MAGI1: variants seen among roughly 807,000 people sequenced by gnomAD.
MAGI1 encodes the protein membrane-associated guanylate kinase, WW and PDZ domain-containing protein 1.
MAGI1 carries 58 observed loss-of-function variants against 139.9 expected under a neutral mutation model. The observed-to-expected ratio is 0.41, with a 90% confidence interval of 0.34 to 0.52. The LOEUF (loss-of-function observed/expected upper bound fraction) is 0.52. MAGI1 is among the 20% of genes least tolerant of loss of function. MAGI1 has a pLI of 0.12. For missense variants in MAGI1, 1,874 were observed against 1,901.6 expected, an observed-to-expected ratio of 0.99 and a Z score of 0.27; for synonymous variants, 812 against 737.9, an observed-to-expected ratio of 1.10 and a Z score of -1.63.
rs1470302043 is a variant in MAGI1 at position 65,853,771 on chromosome 3, T to C, written c.313+184225A>G. ...TGCATTTTGCTGCTGATACTCAATA[T>C]GGAAGCCTTCCAGGGAGAAAGTGGT... On this transcript the variant is annotated intron_variant, in intron 1 of 22. Coordinates refer to ENST00000402939, the MANE Select transcript of MAGI1 (RefSeq NM_001033057.2). Among the ~76,000 whole-genome samples the C allele has an allele frequency of 2.0e-5, 3 of 152,174 alleles. No homozygotes were observed. The East Asian group carries it at 5.8e-4, about 29-fold the overall frequency.
chr3:65,905,150 G>T (rs1171824254), intron 1 of MAGI1, among the ~76,000 whole-genome samples: 1 of 152,170 alleles, frequency 6.6e-6, no homozygotes, highest in Non-Finnish European at 1.5e-5. Context: ...TGGTTTATGT[G>T]ATTTAAATGA....
At chr3:65,480,735 A>G (rs920837221) in intron 3 of MAGI1, among the ~76,000 whole-genome samples, 6 of 151,576 alleles carry the variant, frequency 4.0e-5, no homozygotes, top group Non-Finnish European at 8.8e-5. Context: ...ATAGGCATGC[A>G]CCACCACGCC....
chr3:65,551,324 G>A (rs933036675), intron 2 of MAGI1, among the ~76,000 whole-genome samples: 3 of 151,936 alleles, frequency 2.0e-5, no homozygotes, highest in African/African-American at 2.4e-5. Context: ...TTTTTGAGAC[G>A]GAGTCTCACA....
At position 65,397,434 on chromosome 3, in the gene MAGI1, A is replaced by G. The variant is rs1226782442; in HGVS notation, c.2199+4005T>C. ...GCCGACAGCTTGCTATGTCTGCTCT[A>G]AAGAGGCTGTTGAAGAGACTGCTTC... On this transcript the variant is annotated intron_variant, in intron 13 of 22. Transcript: ENST00000402939. Among the ~76,000 whole-genome samples, 3 of 152,186 alleles carry G rather than the reference A, an allele frequency of 2.0e-5. No individual in the cohort carries two copies. In the East Asian group the frequency reaches 5.8e-4, roughly 29 times the overall value.
Position 65,699,785 on chromosome 3 carries a change from A to C in MAGI1, c.314-77697T>G, listed in dbSNP as rs1312864195. Among the ~76,000 whole-genome samples, 4 of 149,860 alleles carry C rather than the reference A, an allele frequency of 2.7e-5. No individual in the cohort carries two copies. The East Asian group carries it at 7.9e-4, about 30-fold the overall frequency. On this transcript the variant is annotated intron_variant, in intron 1 of 22. Transcript: ENST00000402939. ...GAGATATACCTAATGCTAGATGACG[A>C]GTTAGTGGGTGCAACACACCAGCAT...
At chr3:65,825,786 G>A (rs937137392) in intron 1 of MAGI1, among the ~76,000 whole-genome samples, 4 of 152,028 alleles carry the variant, frequency 2.6e-5, no homozygotes, top group Non-Finnish European at 4.4e-5. Context: ...TCAAGAATTC[G>A]GGACCAGCCT....
At chr3:65,876,896 A>G (rs990279406) in intron 1 of MAGI1, among the ~76,000 whole-genome samples, 8 of 151,944 alleles carry the variant, frequency 5.3e-5, no homozygotes, top group African/African-American at 1.7e-4. Flanking sequence ...GGCACCTGCC[A>G]CCACGCCCAG....
chr3:65,620,768 T>C (rs2083623898), intron 2 of MAGI1, among the ~76,000 whole-genome samples: 1 of 152,206 alleles, frequency 6.6e-6, no homozygotes, highest in South Asian at 2.1e-4. Context: ...AGAGGCAACC[T>C]TGGGGCCCTG....
intron 5 of MAGI1, among the ~76,000 whole-genome samples, chr3:65,461,690 G>A (rs549164818): frequency 3.8e-4 from 56 of 149,232 alleles, no homozygotes; most frequent in African/African-American, 1.2e-3. Flanking sequence ...GGGTTTCACC[G>A]TATTAGCCAG....
rs1011546733 is a variant in MAGI1 at position 65,360,109 on chromosome 3, G to T, written c.3634+1090C>A. 3 of 985,174 alleles carry T rather than the reference G, an allele frequency of 3.0e-6. No individual in the cohort carries two copies. The African/African-American group carries it at 5.2e-5, about 17-fold the overall frequency. The allele number at this position is 985,174 out of a possible 1,614,324, so 61.0% of individuals were successfully genotyped here. A position where few individuals can be genotyped will look rare whatever the true frequency, so the allele number is the denominator to read the frequency against. ...CACCTGTACAAATGTCGAACACCTG[G>T]GAAGGCTGGCCCTCCAAGGAGCTAT... On this transcript the variant is annotated intron_variant, in intron 22 of 22. Coordinates refer to ENST00000402939, the MANE Select transcript of MAGI1 (RefSeq NM_001033057.2).
intron 1 of MAGI1, among the ~76,000 whole-genome samples, chr3:65,818,193 T>C (rs984914084): frequency 1.3e-5 from 2 of 152,174 alleles, no homozygotes; most frequent in African/African-American, 2.4e-5. Flanking sequence ...ACTGATTAAT[T>C]AGTCCTCCAT....
At chr3:65,708,036 T>C (rs1201796479) in intron 1 of MAGI1, among the ~76,000 whole-genome samples, 1 of 152,338 alleles carries the variant, frequency 6.6e-6, no homozygotes, top group East Asian at 1.9e-4. Flanking sequence ...AAGTATGGAA[T>C]TGGACATAGT....
chr3:65,629,277 G>T (rs955083844), intron 1 of MAGI1, among the ~76,000 whole-genome samples: 1 of 152,148 alleles, frequency 6.6e-6, no homozygotes, highest in Non-Finnish European at 1.5e-5. Context: ...ATCTGTGACC[G>T]AGAGGGCAGA....
At chr3:65,752,258 G>C (rs1559848548) in intron 1 of MAGI1, among the ~76,000 whole-genome samples, 1 of 152,150 alleles carries the variant, frequency 6.6e-6, no homozygotes, top group Non-Finnish European at 1.5e-5. Flanking sequence ...CTTAGAAGTA[G>C]CTTTAAGATC....
At chr3:66,020,694 A>T (rs968925481) in intron 1 of MAGI1, among the ~76,000 whole-genome samples, 3 of 152,166 alleles carry the variant, frequency 2.0e-5, no homozygotes, top group African/African-American at 7.2e-5. Context: ...TGCATTTTTT[A>T]AATTAATTAT....
chr3:65,546,482 T>C (rs767697202), intron 2 of MAGI1, among the ~76,000 whole-genome samples: 1 of 152,220 alleles, frequency 6.6e-6, no homozygotes, highest in African/African-American at 2.4e-5. Flanking sequence ...AGCAAATATT[T>C]TGGCCAAACC....
At chr3:65,758,022 A>C (rs2036698178) in intron 1 of MAGI1, among the ~76,000 whole-genome samples, 1 of 152,214 alleles carries the variant, frequency 6.6e-6, no homozygotes, top group Non-Finnish European at 1.5e-5. Context: ...GTGATGTCAC[A>C]GCATCTTACA....
chr3:65,751,412 T>C (rs529666657), intron 1 of MAGI1, among the ~76,000 whole-genome samples: 3 of 152,206 alleles, frequency 2.0e-5, no homozygotes, highest in Non-Finnish European at 2.9e-5. Context: ...ACAGTGTCTC[T>C]CCCTTTGTCT....
At chr3:65,617,166 C>G (rs541963860) in intron 2 of MAGI1, among the ~76,000 whole-genome samples, 1 of 152,314 alleles carries the variant, frequency 6.6e-6, no homozygotes, top group African/African-American at 2.4e-5. Flanking sequence ...TGATCAATAC[C>G]TCTTAGACTG....
Sources: gnomAD v4.1 joint callset for allele counts (sites outside exome capture counted in the v4.1 genomes callset) on GRCh38, gnomAD v4.1.1 for gene constraint, MANE v1.5 for transcripts, NCBI Gene and HGNC (gene_info 2026-07-23, HGNC 2026-07-21) for gene names.